SLC2A13: variants seen among roughly 807,000 people sequenced by gnomAD.
The protein encoded by SLC2A13 is proton myo-inositol cotransporter.
In SLC2A13, 32 loss-of-function variants were observed where a neutral mutation model predicts 64.4. The observed-to-expected ratio is 0.50, with a 90% CI of 0.37 to 0.67. The LOEUF is 0.67. Among genes scored for constraint, SLC2A13 ranks in the 30% least tolerant of loss-of-function variants. The pLI, the probability that SLC2A13 is intolerant of heterozygous loss-of-function variation, is 0.00. For synonymous variants in SLC2A13, 338 were observed against 327.1 expected (o/e 1.03, Z -0.36); for missense variants, 743 against 829.2 (o/e 0.90, Z 1.28).
At chr12:39,785,131 G>A (rs776091041) in intron 7 of SLC2A13, among the ~76,000 whole-genome samples, 8 of 152,126 alleles carry the variant, frequency 5.3e-5, no homozygotes, top group South Asian at 2.1e-4. Flanking sequence ...CAAGACCATG[G>A]GGAAAATGTC....
At chr12:39,966,346 C>T (rs1946516121) in intron 3 of SLC2A13, among the ~76,000 whole-genome samples, 1 of 151,844 alleles carries the variant, frequency 6.6e-6, no homozygotes, top group South Asian at 2.1e-4. Flanking sequence ...AGTGAGGTAC[C>T]ACTGAATATA....
intron 4 of SLC2A13, among the ~76,000 whole-genome samples, chr12:39,947,908 C>T (rs1317995852): frequency 1.3e-5 from 2 of 152,118 alleles, no homozygotes; most frequent in Non-Finnish European, 2.9e-5. Context: ...GATCTGCCCA[C>T]CTCGGCCTCC....
At chr12:39,885,272 T>G (rs762841026) in intron 4 of SLC2A13, among the ~76,000 whole-genome samples, 7 of 152,076 alleles carry the variant, frequency 4.6e-5, no homozygotes, top group Non-Finnish European at 5.9e-5. Context: ...AATTCCCTAC[T>G]CTCTCAAATG....
chr12:39,979,070 C>T (rs1046055774), intron 3 of SLC2A13, among the ~76,000 whole-genome samples: 8 of 151,898 alleles, frequency 5.3e-5, no homozygotes, highest in African/African-American at 1.7e-4. Flanking sequence ...CACACTGACA[C>T]CTCACATGGC....
chr12:39,835,117 T>C (rs1942970251), intron 6 of SLC2A13, among the ~76,000 whole-genome samples: 1 of 152,104 alleles, frequency 6.6e-6, no homozygotes, highest in Non-Finnish European at 1.5e-5. Flanking sequence ...ACTCTAAGCA[T>C]AGACTAAAAT....
intron 1 of SLC2A13, among the ~76,000 whole-genome samples, chr12:40,067,888 C>G (rs1464131858): frequency 1.3e-5 from 2 of 152,076 alleles, no homozygotes; most frequent in African/African-American, 4.8e-5. Context: ...CAGATTGCTT[C>G]CGGTGAAAAT....
At chr12:39,924,124 G>A (rs968851171) in intron 4 of SLC2A13, among the ~76,000 whole-genome samples, 4 of 152,026 alleles carry the variant, frequency 2.6e-5, no homozygotes, top group Admixed American at 2.6e-4. Context: ...TGTTAATAAT[G>A]TACACTCTTA....
intron 6 of SLC2A13, among the ~76,000 whole-genome samples, chr12:39,841,091 T>A (rs1362074466): frequency 6.6e-6 from 1 of 152,092 alleles, no homozygotes; most frequent in Non-Finnish European, 1.5e-5. Flanking sequence ...ATTTCTCACC[T>A]CTTCCCCTTA....
chr12:39,875,053 ACC>A, intron 4 of SLC2A13, among the ~76,000 whole-genome samples: 1 of 152,240 alleles, frequency 6.6e-6, no homozygotes, highest in Admixed American at 6.5e-5. Flanking sequence ...CCTTTCTCTA[ACC>A]CTGGTAAATA....
chr12:39,819,166 G>C (rs1055004798), intron 7 of SLC2A13, among the ~76,000 whole-genome samples: 2 of 152,108 alleles, frequency 1.3e-5, no homozygotes, highest in Admixed American at 1.3e-4. Context: ...CACACTTGCA[G>C]TCTCATTTTT....
intron 4 of SLC2A13, among the ~76,000 whole-genome samples, chr12:39,885,470 C>T (rs188969836): frequency 6.6e-6 from 1 of 152,268 alleles, no homozygotes; most frequent in East Asian, 1.9e-4. Flanking sequence ...TTGATCCCCG[C>T]TTCTACAATG....
intron 7 of SLC2A13, among the ~76,000 whole-genome samples, chr12:39,790,630 T>G (rs899087932): frequency 8.4e-5 from 11 of 130,326 alleles, no homozygotes; most frequent in Non-Finnish European, 1.3e-4. Flanking sequence ...TGTTGGACAT[T>G]TGGGTTGGTT....
chr12:39,966,249 T>C (rs1225795273), intron 3 of SLC2A13, among the ~76,000 whole-genome samples: 1 of 151,926 alleles, frequency 6.6e-6, no homozygotes, highest in Non-Finnish European at 1.5e-5. Flanking sequence ...ACAATGATCA[T>C]CATTACAGAA....
intron 6 of SLC2A13, among the ~76,000 whole-genome samples, chr12:39,863,787 AC>A (rs769850242): frequency 4.6e-5 from 7 of 152,194 alleles, no homozygotes; most frequent in Non-Finnish European, 8.8e-5. Flanking sequence ...ACAATTTGGA[AC>A]CAATATATCT....
At chr12:40,089,001 A>G (rs1938677770) in intron 1 of SLC2A13, among the ~76,000 whole-genome samples, 1 of 152,192 alleles carries the variant, frequency 6.6e-6, no homozygotes, top group Non-Finnish European at 1.5e-5. Context: ...AGAAATTTGA[A>G]AATTTACCAA....
At chr12:39,879,342 T>C (rs2135955133) in intron 4 of SLC2A13, among the ~76,000 whole-genome samples, 1 of 152,258 alleles carries the variant, frequency 6.6e-6, no homozygotes, top group African/African-American at 2.4e-5. Flanking sequence ...CCCAGAATGG[T>C]AGATCTACTG....
chr12:39,972,928 G>A (rs544165602), intron 3 of SLC2A13, among the ~76,000 whole-genome samples: 2 of 152,124 alleles, frequency 1.3e-5, no homozygotes, highest in East Asian at 1.9e-4. Context: ...TTAGCTGGGC[G>A]TGGTGGTGCA....
chr12:39,900,469 T>C (rs1327294326), intron 4 of SLC2A13, among the ~76,000 whole-genome samples: 1 of 152,024 alleles, frequency 6.6e-6, no homozygotes, highest in African/African-American at 2.4e-5. Flanking sequence ...CTCCTTAAGC[T>C]GATAAGCAAC....
At chr12:39,889,967 G>A (rs1364698062) in intron 4 of SLC2A13, among the ~76,000 whole-genome samples, 1 of 151,750 alleles carries the variant, frequency 6.6e-6, no homozygotes. Context: ...ACTAATCTCT[G>A]GCCAATAATA....
Sources: allele counts gnomAD v4.1 joint callset (sites outside exome capture counted in the v4.1 genomes callset), GRCh38; gene constraint gnomAD v4.1.1; transcripts MANE v1.5; gene names NCBI Gene and HGNC (gene_info 2026-07-23, HGNC 2026-07-21).